The following LRRC37A2 variants were observed in gnomAD, a reference collection of about 807,000 sequenced individuals.
LRRC37A2 encodes leucine-rich repeat-containing protein 37A2.
In LRRC37A2, 9 loss-of-function variants were observed where a neutral mutation model predicts 68.8. The observed-to-expected ratio is 0.13, with a 90% CI of 0.08 to 0.23. The LOEUF (loss-of-function observed/expected upper bound fraction) is 0.23. Ranked by LOEUF, LRRC37A2 falls within the 10% of genes least tolerant of loss-of-function variation. The probability of loss-of-function intolerance (pLI) is 1.00; values close to 1 mark genes in which losing one functional copy is unlikely to be tolerated. For synonymous variants in LRRC37A2, 63 were observed against 367.6 expected (o/e 0.17, Z 9.48); for missense variants, 168 against 950.4 (o/e 0.18, Z 10.82).
the LRRC37A2 span, among the ~76,000 whole-genome samples, chr17:46,959,237 C>G: frequency 1.3e-5 from 2 of 152,338 alleles, no homozygotes; most frequent in African/African-American, 4.8e-5. Flanking sequence ...GAGCTCAGAG[C>G]AGGCAGTAGA....
chr17:47,026,994 T>C, the LRRC37A2 span, among the ~76,000 whole-genome samples: 2 of 152,144 alleles, frequency 1.3e-5, no homozygotes, highest in Non-Finnish European at 2.9e-5. Flanking sequence ...CACTGCAAGC[T>C]CCACCTCCTG....
the LRRC37A2 span, among the ~76,000 whole-genome samples, chr17:46,896,817 C>T: frequency 6.6e-6 from 1 of 152,168 alleles, no homozygotes; most frequent in African/African-American, 2.4e-5. Flanking sequence ...AGCGCCCAAG[C>T]AGGAGGGGAG....
chr17:46,816,694 T>C, the LRRC37A2 span, among the ~76,000 whole-genome samples: 1 of 152,172 alleles, frequency 6.6e-6, no homozygotes, highest in Admixed American at 6.5e-5. Flanking sequence ...CACCAGAATC[T>C]ACACCAACTG....
At chr17:46,774,350 A>ACG in the LRRC37A2 span, among the ~76,000 whole-genome samples, 297 of 152,214 alleles carry the variant, frequency 2.0e-3, no homozygotes, top group Non-Finnish European at 2.8e-3. Flanking sequence ...CTCATGGGAC[A>ACG]CGCGCGCGCG....
chr17:46,390,189 A>AG, the LRRC37A2 span, among the ~76,000 whole-genome samples: 1 of 114,222 alleles, frequency 8.8e-6, no homozygotes, highest in East Asian at 2.2e-4. Flanking sequence ...TTTTCTTATA[A>AG]GGCCACAGTC....
the LRRC37A2 span, chr17:46,877,036 G>A: frequency 8.6e-7 from 1 of 1,169,352 alleles, no homozygotes; most frequent in East Asian, 4.0e-5. Flanking sequence ...TGAAATTTTG[G>A]ACGGGAGAGA....
the LRRC37A2 span, among the ~76,000 whole-genome samples, chr17:46,948,349 T>C: frequency 1.3e-5 from 2 of 152,228 alleles, no homozygotes; most frequent in Non-Finnish European, 2.9e-5. Context: ...TAGCATTGCA[T>C]AGGACCCAGG....
chr17:46,786,589 T>C, the LRRC37A2 span, among the ~76,000 whole-genome samples: 1 of 152,168 alleles, frequency 6.6e-6, no homozygotes, highest in Non-Finnish European at 1.5e-5. Context: ...GAGAGCTGGG[T>C]CCGTTTCTCC....
the LRRC37A2 span, chr17:46,932,559 A>G: frequency 1.2e-5 from 6 of 499,944 alleles, no homozygotes; most frequent in East Asian, 2.0e-4. Flanking sequence ...AGAAGGCAGC[A>G]TTTCAAAGCT....
chr17:46,841,738 G>A, the LRRC37A2 span, among the ~76,000 whole-genome samples: 2 of 152,232 alleles, frequency 1.3e-5, no homozygotes, highest in Admixed American at 1.3e-4. Flanking sequence ...AGGCAGAGGA[G>A]ATGGAGGTTC....
At chr17:46,723,936 A>G in the LRRC37A2 span, among the ~76,000 whole-genome samples, 1 of 152,182 alleles carries the variant, frequency 6.6e-6, no homozygotes, top group East Asian at 1.9e-4. Flanking sequence ...TTGCCTTTAC[A>G]GTAAAATTTT....
chr17:46,731,406 A>G, the LRRC37A2 span, among the ~76,000 whole-genome samples: 2 of 152,154 alleles, frequency 1.3e-5, no homozygotes, highest in East Asian at 1.9e-4. Flanking sequence ...GAAATGCTCT[A>G]AAATTGATTT....
chr17:46,598,944 G>A, the LRRC37A2 span, among the ~76,000 whole-genome samples: 4 of 137,276 alleles, frequency 2.9e-5, no homozygotes, highest in South Asian at 2.6e-4. Context: ...TTTGTGTATC[G>A]CTTTAGTGGA....
the LRRC37A2 span, among the ~76,000 whole-genome samples, chr17:46,950,738 C>G: frequency 1.3e-5 from 2 of 152,152 alleles, no homozygotes; most frequent in Non-Finnish European, 2.9e-5. Context: ...TGTGGGGGCA[C>G]TCTTCTGTGG....
the LRRC37A2 span, among the ~76,000 whole-genome samples, chr17:46,625,879 TAAAAAAAAAA>T: frequency 1.7e-5 from 1 of 59,036 alleles, no homozygotes. Flanking sequence ...CCACATGTAT[TAAAAAAAAAA>T]AAAAAAAAAA....
the LRRC37A2 span, among the ~76,000 whole-genome samples, chr17:46,976,511 C>T: frequency 6.6e-6 from 1 of 152,026 alleles, no homozygotes; most frequent in Non-Finnish European, 1.5e-5. Context: ...TGCGCCACTG[C>T]ACTCCAGCCT....
At chr17:46,906,974 A>G in the LRRC37A2 span, among the ~76,000 whole-genome samples, 4 of 152,232 alleles carry the variant, frequency 2.6e-5, no homozygotes, top group Non-Finnish European at 4.4e-5. Context: ...CAAAAAACTC[A>G]TAAGGAAACT....
chr17:46,953,717 T>TA, the LRRC37A2 span, among the ~76,000 whole-genome samples: 3 of 152,250 alleles, frequency 2.0e-5, no homozygotes, highest in African/African-American at 7.2e-5. Flanking sequence ...CCTGACTTTT[T>TA]AATGATCGCC....
the LRRC37A2 span, among the ~76,000 whole-genome samples, chr17:46,901,391 A>G: frequency 6.6e-6 from 1 of 152,018 alleles, no homozygotes; most frequent in African/African-American, 2.4e-5. Context: ...TTAACTCCCG[A>G]CCTCAGGTGA....
Sources: allele counts gnomAD v4.1 joint callset (sites outside exome capture counted in the v4.1 genomes callset), GRCh38; gene constraint gnomAD v4.1.1; transcripts MANE v1.5; gene names NCBI Gene and HGNC (gene_info 2026-07-23, HGNC 2026-07-21).